The following DOCK3 variants were observed in gnomAD, a reference collection of about 807,000 sequenced individuals.
DOCK3 encodes the protein dedicator of cytokinesis protein 3.
In DOCK3, 60 loss-of-function variants were observed where a neutral mutation model predicts 265.6. The ratio of observed to expected loss-of-function variants is 0.23; its 90% CI spans 0.18 to 0.28. The LOEUF (loss-of-function observed/expected upper bound fraction) is 0.28, where lower values mean the gene tolerates loss of function less well. Among genes scored for constraint, DOCK3 ranks in the 10% least tolerant of loss-of-function variants. DOCK3 has a pLI of 1.00. For synonymous variants in DOCK3, 881 were observed against 938.0 expected (o/e 0.94, Z 1.11); for missense variants, 1,981 against 2,594.3 (o/e 0.76, Z 5.14).
chr3:51,018,600 T>G (rs961003717), intron 5 of DOCK3, among the ~76,000 whole-genome samples: 3 of 151,794 alleles, frequency 2.0e-5, no homozygotes, highest in African/African-American at 7.3e-5. Context: ...TAAGATGTCT[T>G]GGAGAAGGGA....
At chr3:50,754,267 G>A (rs762707811) in intron 1 of DOCK3, among the ~76,000 whole-genome samples, 1 of 151,332 alleles carries the variant, frequency 6.6e-6, no homozygotes, top group Non-Finnish European at 1.5e-5. Context: ...ACATAAATAT[G>A]GGAACAGTAG....
At chr3:50,992,958 T>C (rs1468511413) in intron 5 of DOCK3, among the ~76,000 whole-genome samples, 1 of 152,228 alleles carries the variant, frequency 6.6e-6, no homozygotes, top group Non-Finnish European at 1.5e-5. Flanking sequence ...TTTTGTTCTT[T>C]TTTTTGTACT....
chr3:50,865,862 A>G (rs1241444526), intron 3 of DOCK3, among the ~76,000 whole-genome samples: 1 of 152,060 alleles, frequency 6.6e-6, no homozygotes, highest in Non-Finnish European at 1.5e-5. Context: ...GGGTGAGATG[A>G]TATTTCATTG....
At chr3:51,245,535 C>T (rs753047807) in intron 21 of DOCK3, among the ~76,000 whole-genome samples, 3 of 151,476 alleles carry the variant, frequency 2.0e-5, no homozygotes, top group Admixed American at 1.3e-4. Flanking sequence ...GGATTATAGG[C>T]GCACACCACC....
At chr3:51,120,343 G>A (rs536819278) in intron 9 of DOCK3, among the ~76,000 whole-genome samples, 2 of 152,234 alleles carry the variant, frequency 1.3e-5, no homozygotes, top group East Asian at 3.9e-4. Context: ...TGAAAGCTTT[G>A]TCCTAGAGGG....
intron 4 of DOCK3, among the ~76,000 whole-genome samples, chr3:50,921,483 A>T (rs2050463122): frequency 6.6e-6 from 1 of 152,110 alleles, no homozygotes; most frequent in Non-Finnish European, 1.5e-5. Flanking sequence ...CTTCTTTGCG[A>T]TGCGTTTGAA....
intron 9 of DOCK3, among the ~76,000 whole-genome samples, chr3:51,101,093 C>G (rs1438863994): frequency 2.0e-5 from 3 of 151,040 alleles, no homozygotes; most frequent in Non-Finnish European, 4.4e-5. Flanking sequence ...GCATGAGCTA[C>G]CATGCTCGGC....
At chr3:50,734,495 C>G (rs568939336) in intron 1 of DOCK3, among the ~76,000 whole-genome samples, 3 of 152,120 alleles carry the variant, frequency 2.0e-5, no homozygotes, top group East Asian at 3.9e-4. Context: ...GAGCAAGACT[C>G]TGTCTCAAAA....
At chr3:50,834,208 G>T (rs2107158118) in intron 2 of DOCK3, among the ~76,000 whole-genome samples, 1 of 151,962 alleles carries the variant, frequency 6.6e-6, no homozygotes, top group South Asian at 2.1e-4. Context: ...AAGTTCTATA[G>T]CTGATTTTAA....
At chr3:51,014,302 G>C (rs1378688856) in intron 5 of DOCK3, among the ~76,000 whole-genome samples, 1 of 151,846 alleles carries the variant, frequency 6.6e-6, no homozygotes, top group East Asian at 1.9e-4. Flanking sequence ...TCTTGGAATG[G>C]AGCACCTTCA....
intron 6 of DOCK3, 51 bp from the exon 7 acceptor site, chr3:51,075,305 A>G: frequency 2.0e-6 from 3 of 1,490,546 alleles, no homozygotes; most frequent in Non-Finnish European, 2.7e-6. Flanking sequence ...ATAAAGAGAG[A>G]TAAGTAATCT....
chr3:50,736,064 C>T (rs1184177996), intron 1 of DOCK3, among the ~76,000 whole-genome samples: 1 of 152,178 alleles, frequency 6.6e-6, no homozygotes, highest in Non-Finnish European at 1.5e-5. Context: ...CCCCACCCCA[C>T]AATGGGCCCT....
intron 1 of DOCK3, among the ~76,000 whole-genome samples, chr3:50,750,090 T>C (rs776347351): frequency 4.6e-5 from 7 of 152,106 alleles, no homozygotes; most frequent in African/African-American, 7.2e-5. Context: ...GGTGTTAGAT[T>C]CTTATAGGAA....
At chr3:51,312,947 C>T in intron 31 of DOCK3, 45 bp downstream of exon 31, 4 of 1,526,138 alleles carry the variant, frequency 2.6e-6, no homozygotes, top group Non-Finnish European at 3.6e-6. Context: ...ATTGCATAGC[C>T]AAATAGAAAG....
At chr3:50,780,741 A>G (rs932687093) in intron 2 of DOCK3, among the ~76,000 whole-genome samples, 5 of 152,098 alleles carry the variant, frequency 3.3e-5, no homozygotes, top group African/African-American at 9.7e-5. Flanking sequence ...ATTATTAATT[A>G]TAGTCATCTT....
chr3:51,241,855 T>G (rs935719078), intron 21 of DOCK3, among the ~76,000 whole-genome samples: 4 of 152,348 alleles, frequency 2.6e-5, no homozygotes, highest in South Asian at 4.1e-4. Context: ...CTTCCTTGGA[T>G]TAGCTTTCAG....
intron 2 of DOCK3, among the ~76,000 whole-genome samples, chr3:50,802,656 G>A (rs1403167101): frequency 2.0e-5 from 3 of 152,102 alleles, no homozygotes; most frequent in Admixed American, 2.0e-4. Context: ...GTCTAGTGGA[G>A]TTTCCTTTGT....
chr3:50,861,854 G>GTTT (rs61401631), intron 3 of DOCK3, among the ~76,000 whole-genome samples: 173 of 114,416 alleles, frequency 1.5e-3, no homozygotes, highest in Non-Finnish European at 2.4e-3. Context: ...AGGTTGGGTC[G>GTTT]TTTTTTTTTT....
intron 2 of DOCK3, among the ~76,000 whole-genome samples, chr3:50,830,105 A>G (rs2045048333): frequency 6.6e-6 from 1 of 152,174 alleles, no homozygotes; most frequent in South Asian, 2.1e-4. Flanking sequence ...TATTTTTACA[A>G]GTGATTGGCA....
Sources: allele counts gnomAD v4.1 joint callset (sites outside exome capture counted in the v4.1 genomes callset), GRCh38; gene constraint gnomAD v4.1.1; transcripts MANE v1.5; gene names NCBI Gene and HGNC (gene_info 2026-07-23, HGNC 2026-07-21).